SLX9: variants seen among roughly 807,000 people sequenced by gnomAD.
SLX9 encodes ribosome biogenesis protein SLX9 homolog.
In SLX9, 19 loss-of-function variants were observed where a neutral mutation model predicts 20.8. The ratio of observed to expected loss-of-function variants is 0.91; its 90% CI spans 0.64 to 1.34. The LOEUF (loss-of-function observed/expected upper bound fraction) is 1.34, where lower values mean the gene tolerates loss of function less well. Ranked by LOEUF, SLX9 falls within the 40% of genes most tolerant of loss-of-function variation. The probability of loss-of-function intolerance (pLI) is 0.00; values close to 1 mark genes in which losing one functional copy is unlikely to be tolerated. For synonymous variants in SLX9, 113 were observed against 137.1 expected (o/e 0.82, Z 1.23); for missense variants, 299 against 322.2 (o/e 0.93, Z 0.55).
chr21:44,967,982 C>T (rs1354382026), intron 4 of SLX9, among the ~76,000 whole-genome samples: 1 of 151,970 alleles, frequency 6.6e-6, no homozygotes, highest in Middle Eastern at 3.2e-3. Context: ...GCTGGCATCA[C>T]AGCGCCCCTC....
chr21:44,945,166 A>G lies in SLX9; in HGVS notation c.283+1329A>G, dbSNP rs142583240. 3.1e-3 allele frequency among the ~76,000 whole-genome samples: 471 copies of G among 152,278 alleles called. 8 individuals are homozygous for G. Among genetic ancestry groups the G allele is most frequent in the African/African-American group, 0.01 (431 of 41,554 alleles). On this transcript the variant is annotated intron_variant, in intron 2 of 5. Transcript: ENST00000291634. ...GCGACAGACATAGCTCATAGATGCT[A>G]AGGGCCTCACTGTGCCTCTAGAAAG...
intron 3 of SLX9, among the ~76,000 whole-genome samples, chr21:44,962,717 A>G (rs2084966779): frequency 6.6e-6 from 1 of 152,054 alleles, no homozygotes; most frequent in African/African-American, 2.4e-5. Flanking sequence ...GGGTAGGTGT[A>G]TGTTTAGTTT....
intron 2 of SLX9, among the ~76,000 whole-genome samples, chr21:44,955,439 A>G (rs17313439): frequency 0.18 from 27,265 of 152,198 alleles, 2,541 homozygotes; most frequent in Non-Finnish European, 0.2. Flanking sequence ...AAAGTGGCAC[A>G]TGATAGATAC....
intron 4 of SLX9, among the ~76,000 whole-genome samples, chr21:44,972,709 G>A (rs1280683802): frequency 6.6e-6 from 1 of 152,234 alleles, no homozygotes; most frequent in African/African-American, 2.4e-5. Flanking sequence ...AGGCTTGGGT[G>A]GGTGACTCAG....
At chr21:44,948,298 C>A (rs139615493) in intron 2 of SLX9, among the ~76,000 whole-genome samples, 21,004 of 137,100 alleles carry the variant, frequency 0.15, 1,738 homozygotes, top group Admixed American at 0.21. Flanking sequence ...CGTGGAGCAT[C>A]GGGCGGTCCG....
intron 2 of SLX9, among the ~76,000 whole-genome samples, chr21:44,951,431 C>T (rs529962553): frequency 1.0e-3 from 157 of 152,234 alleles, no homozygotes; most frequent in Middle Eastern, 3.4e-3. Context: ...CCCAGCTCTA[C>T]CATCTGGATC....
chr21:44,972,665 C>T (rs939811539), intron 4 of SLX9, among the ~76,000 whole-genome samples: 2 of 152,218 alleles, frequency 1.3e-5, no homozygotes, highest in African/African-American at 4.8e-5. Flanking sequence ...GCACAGCGTG[C>T]GCCTTCTTCT....
At chr21:44,973,008 A>G (rs2085183748) in intron 4 of SLX9, 189 bp from the exon 5 acceptor site, 1 of 699,088 alleles carries the variant, frequency 1.4e-6, no homozygotes, top group Middle Eastern at 2.7e-4. Context: ...ACGGTCAGGC[A>G]GTTGCACTGC....
intron 2 of SLX9, among the ~76,000 whole-genome samples, chr21:44,945,102 G>A (rs974098017): frequency 6.6e-6 from 1 of 152,202 alleles, no homozygotes; most frequent in African/African-American, 2.4e-5. Context: ...ATGTGATCAC[G>A]GGTGCTCTGT....
At position 44,976,951 on chromosome 21, in the gene SLX9, C is replaced by T. The variant is rs2085275836; in HGVS notation, c.*148C>T. On this transcript the variant is annotated 3_prime_UTR_variant, in exon 6 of 6. Coordinates refer to ENST00000291634, the MANE Select transcript of SLX9 (RefSeq NM_058190.4). ...CAATAAATGGCTCTGTGAACTTCCCCTGCACTGCCAGGGCCGTTCCCATGA... is the reference window on the plus strand; with the variant it reads ...CAATAAATGGCTCTGTGAACTTCCCTTGCACTGCCAGGGCCGTTCCCATGA... 3 of 1,145,350 alleles carry T rather than the reference C, an allele frequency of 2.6e-6. No homozygotes were observed. The highest frequency in any genetic ancestry group is 1.6e-5 in the African/African-American group (1 of 64,220). The allele number at this position is 1,145,350 out of a possible 1,614,324, so 70.9% of individuals were successfully genotyped here. A position where few individuals can be genotyped will look rare whatever the true frequency, so the allele number is the denominator to read the frequency against.
chr21:44,951,737 C>T (rs1001648711), intron 2 of SLX9, among the ~76,000 whole-genome samples: 5 of 152,150 alleles, frequency 3.3e-5, no homozygotes, highest in African/African-American at 7.2e-5. Context: ...CACCATCTCT[C>T]GCCTACAGGT....
intron 2 of SLX9, among the ~76,000 whole-genome samples, chr21:44,951,275 C>A (rs956007394): frequency 1.1e-4 from 17 of 152,208 alleles, no homozygotes; most frequent in Admixed American, 9.8e-4. Flanking sequence ...CCACAGCCAT[C>A]CAAGGGACCA....
intron 3 of SLX9, among the ~76,000 whole-genome samples, chr21:44,966,009 G>A (rs2085027439): frequency 6.6e-6 from 1 of 152,218 alleles, no homozygotes; most frequent in Admixed American, 6.5e-5. Flanking sequence ...CACCTTCCAA[G>A]CTCTCAACCT....
At chr21:44,949,555 C>G (rs892853215) in intron 2 of SLX9, among the ~76,000 whole-genome samples, 17 of 152,174 alleles carry the variant, frequency 1.1e-4, no homozygotes, top group African/African-American at 4.1e-4. Flanking sequence ...GAGCCAGGCT[C>G]TGAAGCCACA....
chr21:44,969,806 C>G (rs1383750229), intron 4 of SLX9, among the ~76,000 whole-genome samples: 1 of 152,206 alleles, frequency 6.6e-6, no homozygotes, highest in African/African-American at 2.4e-5. Flanking sequence ...CTAACGGACT[C>G]TTTCTGCCTC....
intron 4 of SLX9, 41 bp downstream of exon 4, chr21:44,967,222 C>T: frequency 6.5e-7 from 1 of 1,532,762 alleles, no homozygotes; most frequent in Non-Finnish European, 8.8e-7. Context: ...AGCTGTGGGG[C>T]TGACCCGGGT....
chr21:44,950,920 T>C (rs1195737115), intron 2 of SLX9, among the ~76,000 whole-genome samples: 1 of 152,174 alleles, frequency 6.6e-6, no homozygotes, highest in Non-Finnish European at 1.5e-5. Flanking sequence ...GCACAGAGAC[T>C]GGCCCAGGCG....
At chr21:44,957,312 C>A (rs533516299) in intron 2 of SLX9, among the ~76,000 whole-genome samples, 41 of 152,312 alleles carry the variant, frequency 2.7e-4, no homozygotes, top group Non-Finnish European at 2.9e-5. Flanking sequence ...CTCAGAGTGC[C>A]TCCCACTGGG....
At chr21:44,973,362 C>T (rs542314863) in intron 5 of SLX9, 97 bp downstream of exon 5, 31 of 873,080 alleles carry the variant, frequency 3.6e-5, no homozygotes, top group Middle Eastern at 3.5e-4. Flanking sequence ...GCCCTCACCC[C>T]GCCCACCCTC....
Sources: gnomAD v4.1 joint callset for allele counts (sites outside exome capture counted in the v4.1 genomes callset) on GRCh38, gnomAD v4.1.1 for gene constraint, MANE v1.5 for transcripts, NCBI Gene and HGNC (gene_info 2026-07-23, HGNC 2026-07-21) for gene names.